The following NECTIN2 variants were observed in gnomAD, a reference collection of about 807,000 sequenced individuals.
The protein encoded by NECTIN2 is nectin-2.
NECTIN2 carries 23 observed loss-of-function variants against 56.9 expected under a neutral mutation model. The ratio of observed to expected loss-of-function variants is 0.40; its 90% CI spans 0.29 to 0.57. The LOEUF (loss-of-function observed/expected upper bound fraction) is 0.57. NECTIN2 is among the 20% of genes least tolerant of loss of function. The probability of loss-of-function intolerance (pLI) is 0.38; values close to 1 mark genes in which losing one functional copy is unlikely to be tolerated. For synonymous variants in NECTIN2, 302 were observed against 313.8 expected, an observed-to-expected ratio of 0.96 and a Z score of 0.40; for missense variants, 587 against 718.3, an observed-to-expected ratio of 0.82 and a Z score of 2.09.
At position 44,866,894 on chromosome 19, in the gene NECTIN2, C is replaced by T. The variant is rs78670068; in HGVS notation, c.478+1234C>T. 2.3e-3 allele frequency among the ~76,000 whole-genome samples: 357 copies of T among 152,128 alleles called. 1 individual carries two copies. Among genetic ancestry groups the T allele is most frequent in the Non-Finnish European group, 3.8e-3 (257 of 68,008 alleles). On this transcript the variant is annotated intron_variant, in intron 2 of 8. Coordinates refer to ENST00000252483, the MANE Select transcript of NECTIN2 (RefSeq NM_001042724.2). Reference sequence around the variant, plus strand: ...GGCAACTACAAAGTCCGGGTGGGGCCGGGTGCTGTGGCTCACGCCCATAAC... The same window carrying T: ...GGCAACTACAAAGTCCGGGTGGGGCTGGGTGCTGTGGCTCACGCCCATAAC...
chr19:44,878,690 T>C (rs1018262002), intron 5 of NECTIN2: 2 of 1,502,036 alleles, frequency 1.3e-6, no homozygotes, highest in African/African-American at 1.5e-5. Context: ...CGGCCTAGGG[T>C]TCCAGACTGG....
chr19:44,872,250 C>G (rs1247339887), intron 3 of NECTIN2, 101 bp downstream of exon 3: 1 of 1,327,468 alleles, frequency 7.5e-7, no homozygotes, highest in Non-Finnish European at 1.0e-6. Context: ...ACGTGGGTTC[C>G]CTGAAGCCAA....
At chr19:44,854,372 C>T (rs541748488) in intron 1 of NECTIN2, among the ~76,000 whole-genome samples, 4 of 152,218 alleles carry the variant, frequency 2.6e-5, no homozygotes, top group South Asian at 2.1e-4. Flanking sequence ...CTTGAGCCAC[C>T]GCCCCATCCT....
intron 6 of NECTIN2, 59 bp from the exon 7 acceptor site, chr19:44,885,878 C>T: frequency 7.1e-7 from 1 of 1,407,928 alleles, no homozygotes; most frequent in Non-Finnish European, 1.0e-6. Flanking sequence ...TGCCATAACC[C>T]CGGAGTCAGA....
At position 44,884,009 on chromosome 19, in the gene NECTIN2, C is replaced by T. The variant is rs1381994841; in HGVS notation, c.1196+1645C>T. On this transcript the variant is annotated intron_variant, in intron 6 of 8. Transcript: ENST00000252483. ...TAGCCCATGCCTGTAGTCCCAGCTA[C>T]TTGGGTGGGCTGAGGTGGGGGTGGG... Among the ~76,000 whole-genome samples, 5 of 150,544 alleles carry T rather than the reference C, an allele frequency of 3.3e-5. No individual in the cohort carries two copies. The East Asian group carries it at 9.9e-4, about 30-fold the overall frequency.
At chr19:44,870,228 A>T (rs1969156635) in intron 2 of NECTIN2, among the ~76,000 whole-genome samples, 1 of 152,170 alleles carries the variant, frequency 6.6e-6, no homozygotes, top group African/African-American at 2.4e-5. Flanking sequence ...GATGGGGAGC[A>T]TGTGGAGTGG....
chr19:44,881,434 T>TG (rs2122708205), intron 5 of NECTIN2, among the ~76,000 whole-genome samples: 1 of 148,666 alleles, frequency 6.7e-6, no homozygotes, highest in East Asian at 2.0e-4. Context: ...CCCAGAACGT[T>TG]GGGAGGCCGA....
At chr19:44,883,085 G>A (rs145259018) in intron 6 of NECTIN2, among the ~76,000 whole-genome samples, 1 of 152,204 alleles carries the variant, frequency 6.6e-6, no homozygotes, top group Non-Finnish European at 1.5e-5. Context: ...CTGGCCAGTT[G>A]TTAATAAAAG....
rs766474102 is a variant in NECTIN2, at chr19:44,872,058, G to A, written c.684G>A (p.Ser228=). ...CCAGCCGCTTCACCTTGGTGCCCTCGGGCCGAGCAGATGGTGTCACGGTCA... is the reference window on the plus strand; with the variant it reads ...CCAGCCGCTTCACCTTGGTGCCCTCAGGCCGAGCAGATGGTGTCACGGTCA... The part of the protein sequence containing the change: ...TVTSRFTLVP[S]GRADGVTVTC... The change falls in exon 3 of 9, where the codon TCG becomes TCA. Residue 228 remains serine (S), a synonymous_variant. Transcript: ENST00000252483. 1.2e-4 allele frequency: 194 copies of A among 1,614,000 alleles called. 1 individual carries two copies. Among genetic ancestry groups the A allele is most frequent in the Non-Finnish European group, 1.4e-4 (164 of 1,180,048 alleles).
rs752287094 is a variant in NECTIN2 at position 44,885,940 on chromosome 19, G to A, written c.1200G>A (p.Leu400=). The A allele has an allele frequency of 1.9e-6, 3 of 1,581,382 alleles. No individual in the cohort carries two copies. Among genetic ancestry groups the A allele is most frequent in the Non-Finnish European group, 2.6e-6 (3 of 1,150,508 alleles). Residue 400 remains leucine (L), a synonymous_variant, in exon 7 of 9, where the codon CTG becomes CTA. Transcript: ENST00000252483. ...TGTCCTACCTCCTACCCCACAGCCT[G>A]GAGGGACCTCCCTCCTACAAGCCAC... ...TLQGAEEDED[L]EGPPSYKPPT...
At chr19:44,848,050 G>A (rs947010803) in intron 1 of NECTIN2, among the ~76,000 whole-genome samples, 1 of 152,182 alleles carries the variant, frequency 6.6e-6, no homozygotes, top group Non-Finnish European at 1.5e-5. Context: ...GAGGGTTTGC[G>A]CAGAAGAGAG....
rs201595560 is a variant in NECTIN2, at chr19:44,888,363, G to A, written c.1601G>A (p.Arg534Gln). 8.0e-5 allele frequency: 129 copies of A among 1,611,992 alleles called. No individual in the cohort carries two copies. In the Middle Eastern group the frequency reaches 4.0e-3, roughly 50 times the overall value. Reference protein sequence around the residue: ...SYQGKGFVMSRAMYV With the variant: ...SYQGKGFVMSQAMYV Reference sequence around the variant, plus strand: ...CAGGGCAAAGGCTTTGTCATGTCCCGGGCCATGTATGTGTGAGCTGCCATG... The same window carrying A: ...CAGGGCAAAGGCTTTGTCATGTCCCAGGCCATGTATGTGTGAGCTGCCATG... Residue 534 changes from arginine to glutamine, a missense_variant, in exon 9 of 9, where the codon CGG (arginine) becomes CAG (glutamine). Physicochemically the swap from Arg to Gln is conservative, Grantham distance 43 (BLOSUM62 1). Coordinates refer to ENST00000252483, the MANE Select transcript of NECTIN2 (RefSeq NM_001042724.2).
intron 1 of NECTIN2, among the ~76,000 whole-genome samples, chr19:44,856,778 G>A (rs1968970461): frequency 6.6e-6 from 1 of 152,150 alleles, no homozygotes; most frequent in African/African-American, 2.4e-5. Context: ...CCCAGCTGTT[G>A]CCCCCAGGAG....
chr19:44,880,583 G>A (rs1191778983), intron 5 of NECTIN2, among the ~76,000 whole-genome samples: 1 of 132,112 alleles, frequency 7.6e-6, no homozygotes, highest in Admixed American at 9.0e-5. Flanking sequence ...CACCTCCCAA[G>A]TTCAAGCAAT....
intron 5 of NECTIN2, chr19:44,879,031 A>T (rs893824410): frequency 4.8e-6 from 3 of 627,258 alleles, no homozygotes; most frequent in African/African-American, 4.0e-5. Flanking sequence ...GGCTGGGAAG[A>T]GCTGATCCAC....
chr19:44,878,688 G>C, intron 5 of NECTIN2: 1 of 1,524,162 alleles, frequency 6.6e-7, no homozygotes, highest in Non-Finnish European at 8.8e-7. Context: ...GCCGGCCTAG[G>C]GTTCCAGACT....
intron 1 of NECTIN2, among the ~76,000 whole-genome samples, chr19:44,852,021 C>T (rs569575635): frequency 2.6e-5 from 4 of 152,268 alleles, no homozygotes; most frequent in Admixed American, 1.3e-4. Flanking sequence ...GAGTGTGTTT[C>T]CAATCTCGCC....
intron 5 of NECTIN2, chr19:44,881,890 T>C (rs1265296363): frequency 4.9e-6 from 1 of 204,540 alleles, no homozygotes; most frequent in Non-Finnish European, 9.7e-6. Context: ...CTGTATATTT[T>C]TGTATCCCCC....
At position 44,871,843 on chromosome 19, in the gene NECTIN2, C is replaced by G; in HGVS notation, c.479-10C>G. 7 of 1,609,046 alleles carry G rather than the reference C, an allele frequency of 4.4e-6. No individual in the cohort carries two copies. Among genetic ancestry groups the G allele is most frequent in the Non-Finnish European group, 6.0e-6 (7 of 1,175,862 alleles). On this transcript the variant is annotated splice_polypyrimidine_tract_variant and intron_variant, in intron 2 of 8. Coordinates refer to ENST00000252483, the MANE Select transcript of NECTIN2 (RefSeq NM_001042724.2). Reference sequence around the variant, plus strand: ...GAGGAGTGACGCACCCCCTCTCCTCCTCTCCCCAGCCAAGCCCAAGAACCA... The same window carrying G: ...GAGGAGTGACGCACCCCCTCTCCTCGTCTCCCCAGCCAAGCCCAAGAACCA...
Sources: allele counts gnomAD v4.1 joint callset (sites outside exome capture counted in the v4.1 genomes callset), GRCh38; gene constraint gnomAD v4.1.1; transcripts MANE v1.5; gene names NCBI Gene and HGNC (gene_info 2026-07-23, HGNC 2026-07-21).